ARK2N: variants seen among roughly 807,000 people sequenced by gnomAD.
The protein encoded by ARK2N is protein ARK2N.
chr18:46,215,844 CT>C, the ARK2N span: 1 of 1,568,276 alleles, frequency 6.4e-7, no homozygotes, highest in Non-Finnish European at 8.7e-7. Flanking sequence ...ATATCATTTC[CT>C]AGACTCTACT....
chr18:46,235,668 ATTC>A, the ARK2N span, among the ~76,000 whole-genome samples: 1 of 152,036 alleles, frequency 6.6e-6, no homozygotes, highest in East Asian at 1.9e-4. Flanking sequence ...CATCCTGTAT[ATTC>A]TTCTTTCCTT....
At chr18:46,190,491 G>A in the ARK2N span, among the ~76,000 whole-genome samples, 4 of 148,108 alleles carry the variant, frequency 2.7e-5, no homozygotes, top group East Asian at 1.9e-4. Context: ...TCTGTCCCCC[G>A]GCCCCCCGAA....
At chr18:46,258,136 G>A in the ARK2N span, among the ~76,000 whole-genome samples, 3 of 152,110 alleles carry the variant, frequency 2.0e-5, no homozygotes, top group African/African-American at 4.8e-5. Flanking sequence ...ATGTTGCCCC[G>A]GCTGGTCGCG....
chr18:46,255,182 A>G, the ARK2N span, among the ~76,000 whole-genome samples: 1 of 152,204 alleles, frequency 6.6e-6, no homozygotes, highest in Non-Finnish European at 1.5e-5. Flanking sequence ...ATCTTTTTCT[A>G]GAGAGATCTA....
At chr18:46,216,221 A>G in the ARK2N span, 1 of 1,613,858 alleles carries the variant, frequency 6.2e-7, no homozygotes, top group African/African-American at 1.3e-5. The surrounding 1 kb of genome is among the most constrained non-coding windows in gnomAD (Gnocchi z 4.3). Context: ...TCCGCAGAAG[A>G]GAATGAACCC....
the ARK2N span, among the ~76,000 whole-genome samples, chr18:46,259,650 G>C: frequency 6.6e-6 from 1 of 152,080 alleles, no homozygotes; most frequent in Non-Finnish European, 1.5e-5. Flanking sequence ...CAGCCACCCA[G>C]GCTGGAGTGC....
the ARK2N span, among the ~76,000 whole-genome samples, chr18:46,190,971 A>T: frequency 6.6e-6 from 1 of 152,170 alleles, no homozygotes; most frequent in Non-Finnish European, 1.5e-5. Context: ...AGATTCATTT[A>T]ACTGTGACAA....
the ARK2N span, chr18:46,265,068 T>C: frequency 6.6e-6 from 1 of 152,644 alleles, no homozygotes; most frequent in Non-Finnish European, 1.5e-5. Context: ...ACTACTGGTG[T>C]ATCCTTGGAC....
At chr18:46,239,095 A>T in the ARK2N span, among the ~76,000 whole-genome samples, 2 of 152,182 alleles carry the variant, frequency 1.3e-5, no homozygotes, top group East Asian at 1.9e-4. Flanking sequence ...CGTTTTTCTT[A>T]AAAAAGGGGT....
At chr18:46,264,388 A>G in the ARK2N span, 1 of 152,652 alleles carries the variant, frequency 6.6e-6, no homozygotes, top group Non-Finnish European at 1.5e-5. Context: ...TACTCTGCAC[A>G]GGGGGAGTGA....
chr18:46,260,483 T>G, the ARK2N span, among the ~76,000 whole-genome samples: 2 of 152,246 alleles, frequency 1.3e-5, no homozygotes, highest in African/African-American at 4.8e-5. Flanking sequence ...GTCCTACTAA[T>G]AAATTCTCTT....
the ARK2N span, among the ~76,000 whole-genome samples, chr18:46,222,959 T>G: frequency 2.0e-5 from 3 of 152,232 alleles, no homozygotes; most frequent in Non-Finnish European, 4.4e-5. Context: ...CGTAAGTGGT[T>G]CCTGTTTTTA....
the ARK2N span, among the ~76,000 whole-genome samples, chr18:46,249,454 G>T: frequency 1.3e-5 from 2 of 150,758 alleles, no homozygotes; most frequent in Non-Finnish European, 1.5e-5. Context: ...GAATGGTCTC[G>T]ATCTCCTGAC....
chr18:46,204,870 A>T, the ARK2N span, among the ~76,000 whole-genome samples: 2 of 151,970 alleles, frequency 1.3e-5, no homozygotes, highest in African/African-American at 4.8e-5. Flanking sequence ...ATTAGGAAGG[A>T]CGATACAGTT....
At chr18:46,217,688 G>A in the ARK2N span, 1 of 152,256 alleles carries the variant, frequency 6.6e-6, no homozygotes, top group African/African-American at 2.4e-5. Flanking sequence ...TGGTTTTAAA[G>A]CACTTTATAG....
the ARK2N span, among the ~76,000 whole-genome samples, chr18:46,230,890 T>A: frequency 1.3e-5 from 2 of 152,232 alleles, no homozygotes. Flanking sequence ...CATTATCCTC[T>A]CACTAAAGGT....
the ARK2N span, among the ~76,000 whole-genome samples, chr18:46,187,152 C>A: frequency 2.0e-5 from 3 of 151,074 alleles, no homozygotes; most frequent in African/African-American, 7.3e-5. Context: ...CCTTGCCCAG[C>A]CCTTACTACT....
the ARK2N span, among the ~76,000 whole-genome samples, chr18:46,248,775 G>A: frequency 5.3e-5 from 8 of 152,108 alleles, no homozygotes; most frequent in African/African-American, 1.7e-4. Context: ...AGTAGAGATG[G>A]GGTTTCACTC....
chr18:46,181,304 A>G, the ARK2N span, among the ~76,000 whole-genome samples: 1 of 152,080 alleles, frequency 6.6e-6, no homozygotes, highest in East Asian at 1.9e-4. Context: ...ATGCCAGTTC[A>G]TTTACAAAAT....
Sources: gnomAD v4.1 joint callset for allele counts (sites outside exome capture counted in the v4.1 genomes callset) on GRCh38, gnomAD v4.1.1 for gene constraint, Gnocchi (gnomAD v3.1) non-coding constraint, MANE v1.5 for transcripts, NCBI Gene and HGNC (gene_info 2026-07-23, HGNC 2026-07-21) for gene names.